Variants in WWTR1 observed in about 807,000 individuals in gnomAD.
WWTR1 encodes WW domain-containing transcription regulator protein 1.
In WWTR1, 13 loss-of-function variants were observed where a neutral mutation model predicts 40.1. That is an observed-to-expected ratio of 0.32 (90% CI 0.21 to 0.52). WWTR1 has a LOEUF of 0.52. Among genes scored for constraint, WWTR1 ranks in the 20% least tolerant of loss-of-function variants. The pLI, the probability that WWTR1 is intolerant of heterozygous loss-of-function variation, is 0.97. For missense variants in WWTR1, 436 were observed against 523.1 expected (o/e 0.83, Z 1.63); for synonymous variants, 230 against 210.1 (o/e 1.09, Z -0.82).
chr3:149,708,738 T>C (rs1243679403), intron 5 of WWTR1, among the ~76,000 whole-genome samples: 3 of 152,258 alleles, frequency 2.0e-5, no homozygotes, highest in Non-Finnish European at 4.4e-5. Context: ...GTTGATTTCA[T>C]ATCTTGACTA....
chr3:149,621,621 C>G (rs1032408502), intron 2 of WWTR1, among the ~76,000 whole-genome samples: 5 of 152,028 alleles, frequency 3.3e-5, no homozygotes, highest in Admixed American at 1.3e-4. Flanking sequence ...ACAGGAAGAG[C>G]AAAAATCTAA....
intron 3 of WWTR1, among the ~76,000 whole-genome samples, chr3:149,572,488 A>C (rs1737685706): frequency 6.6e-6 from 1 of 152,116 alleles, no homozygotes; most frequent in African/African-American, 2.4e-5. Flanking sequence ...TGTAGTTTAA[A>C]ACTGAGGCAG....
intron 2 of WWTR1, among the ~76,000 whole-genome samples, chr3:149,597,697 T>C (rs1739063034): frequency 6.6e-6 from 1 of 152,178 alleles, no homozygotes; most frequent in Non-Finnish European, 1.5e-5. Context: ...GCATAAGCAT[T>C]CTGAAGCTAA....
intron 3 of WWTR1, chr3:149,724,604 G>A (rs138867816): frequency 6.1e-4 from 92 of 151,916 alleles, no homozygotes; most frequent in African/African-American, 2.2e-3. Context: ...CATTTTATAT[G>A]TGATTTCAGA....
chr3:149,627,919 C>CA (rs1740647889), intron 2 of WWTR1, among the ~76,000 whole-genome samples: 1 of 151,732 alleles, frequency 6.6e-6, no homozygotes, highest in Non-Finnish European at 1.5e-5. Context: ...ACTAAAAAAG[C>CA]AAAATTAGCC....
intron 2 of WWTR1, among the ~76,000 whole-genome samples, chr3:149,650,990 GA>G (rs1443239232): frequency 6.6e-6 from 1 of 152,202 alleles, no homozygotes; most frequent in Non-Finnish European, 1.5e-5. Context: ...TGTGTTGGGA[GA>G]GAGAGAAGAG....
chr3:149,635,572 C>T (rs992972292), intron 2 of WWTR1, among the ~76,000 whole-genome samples: 5 of 143,438 alleles, frequency 3.5e-5, no homozygotes, highest in African/African-American at 5.2e-5. Context: ...GGAAGGAGGA[C>T]GAAGAGGAAG....
intron 3 of WWTR1, among the ~76,000 whole-genome samples, chr3:149,546,651 A>T (rs928649769): frequency 6.6e-6 from 1 of 152,248 alleles, no homozygotes; most frequent in Non-Finnish European, 1.5e-5. Flanking sequence ...ACATGAATTT[A>T]TCATTTAATG....
rs921827996 is a variant in WWTR1, at chr3:149,657,282, G to T, written c.25C>A (p.Pro9Thr). The change falls in exon 2 of 7, where the codon CCG (proline) becomes ACG (threonine). Residue 9 changes from proline to threonine, a missense_variant. Coordinates refer to ENST00000360632, the MANE Select transcript of WWTR1 (RefSeq NM_015472.6). MNPASAPP[P>T]LPPPGQQVIH... Reference sequence around the variant, plus strand: ...ACTTGCTGCCCAGGCGGCGGGAGCGGAGGGGGCGCCGAGGCCGGATTCATC... The same window carrying T: ...ACTTGCTGCCCAGGCGGCGGGAGCGTAGGGGGCGCCGAGGCCGGATTCATC... 1 of 1,612,728 alleles carries T rather than the reference G, an allele frequency of 6.2e-7. No homozygotes were observed. The highest frequency in any genetic ancestry group is 8.5e-7 in the Non-Finnish European group (1 of 1,179,434).
intron 2 of WWTR1, among the ~76,000 whole-genome samples, chr3:149,589,503 C>T (rs77406654): frequency 0.048 from 7,279 of 152,238 alleles, 251 homozygotes; most frequent in Non-Finnish European, 0.07. Context: ...TGAGGCACAT[C>T]CTGCCTTCAG....
In WWTR1 at chr3:149,717,270, G is replaced by A. The variant is rs534295335; in HGVS notation, n.584+172C>T. Among the ~76,000 whole-genome samples, 10 of 152,302 alleles carry A rather than the reference G, an allele frequency of 6.6e-5. No individual in the cohort carries two copies. In the South Asian group the frequency reaches 1.9e-3, roughly 28 times the overall value. On this transcript the variant is annotated intron_variant and non_coding_transcript_variant, in intron 5 of 6. Transcript: ENST00000474080. Reference sequence around the variant, plus strand: ...CACTTTATAAGCTTCGAAGGCTAAAGTAATGAATACAATTTTAGGCTATCT... The same window carrying A: ...CACTTTATAAGCTTCGAAGGCTAAAATAATGAATACAATTTTAGGCTATCT...
intron 1 of WWTR1, among the ~76,000 whole-genome samples, chr3:149,693,293 C>T (rs1476715002): frequency 6.6e-6 from 1 of 151,922 alleles, no homozygotes. Context: ...TGATCTATAC[C>T]ATGACAACTA....
At chr3:149,716,656 T>A (rs1271386909) in intron 5 of WWTR1, among the ~76,000 whole-genome samples, 2 of 152,166 alleles carry the variant, frequency 1.3e-5, no homozygotes, top group African/African-American at 4.8e-5. Flanking sequence ...ACCTGTTTTT[T>A]AATAGTAAAC....
intron 2 of WWTR1, among the ~76,000 whole-genome samples, chr3:149,583,161 TC>T (rs1368505256): frequency 6.6e-6 from 1 of 152,168 alleles, no homozygotes; most frequent in East Asian, 1.9e-4. Flanking sequence ...AGGCAGGGTT[TC>T]ACCATGTTGG....
chr3:149,543,320 C>T (rs961618101), intron 3 of WWTR1, among the ~76,000 whole-genome samples: 1 of 152,032 alleles, frequency 6.6e-6, no homozygotes, highest in African/African-American at 2.4e-5. Flanking sequence ...CAGTGGCTCA[C>T]GCCTGTAATC....
chr3:149,527,553 G>A (rs1023086374), intron 5 of WWTR1, among the ~76,000 whole-genome samples: 1 of 152,114 alleles, frequency 6.6e-6, no homozygotes, highest in Admixed American at 6.5e-5. Context: ...AGTACTAGAC[G>A]ACACCATCAT....
At chr3:149,542,029 T>C (rs1254572974) in intron 4 of WWTR1, among the ~76,000 whole-genome samples, 1 of 152,182 alleles carries the variant, frequency 6.6e-6, no homozygotes, top group Non-Finnish European at 1.5e-5. Context: ...TTGGGATAAT[T>C]TGTTACACAA....
At chr3:149,597,367 T>C (rs1739042370) in intron 2 of WWTR1, among the ~76,000 whole-genome samples, 1 of 134,916 alleles carries the variant, frequency 7.4e-6, no homozygotes, top group Admixed American at 8.7e-5. Context: ...AATGCCAAGA[T>C]GGGTGATAGA....
At chr3:149,677,312 C>T (rs1214339672) in intron 1 of WWTR1, among the ~76,000 whole-genome samples, 2 of 152,092 alleles carry the variant, frequency 1.3e-5, no homozygotes, top group Admixed American at 1.3e-4. Context: ...CTCCCAAATA[C>T]ATTTATGAAA....
Sources: gnomAD v4.1 joint callset for allele counts (sites outside exome capture counted in the v4.1 genomes callset) on GRCh38, gnomAD v4.1.1 for gene constraint, MANE v1.5 for transcripts, NCBI Gene and HGNC (gene_info 2026-07-23, HGNC 2026-07-21) for gene names.